The following TMCO5A variants were observed in gnomAD, a reference collection of about 807,000 sequenced individuals.
TMCO5A encodes transmembrane and coiled-coil domains 5A.
TMCO5A carries 34 observed loss-of-function variants against 42.3 expected under a neutral mutation model. The ratio of observed to expected loss-of-function variants is 0.80; its 90% CI spans 0.61 to 1.07. The LOEUF (loss-of-function observed/expected upper bound fraction) is 1.07. TMCO5A is among the 50% of genes least tolerant of loss of function. TMCO5A has a pLI of 0.00. For synonymous variants in TMCO5A, 131 were observed against 115.6 expected (o/e 1.13, Z -0.86); for missense variants, 357 against 327.9 (o/e 1.09, Z -0.69).
At chr15:37,950,854 GAGAATA>G (rs781140688) in intron 11 of TMCO5A, among the ~76,000 whole-genome samples, 176 bp from the exon 12 acceptor site, 16 of 152,096 alleles carry the variant, frequency 1.1e-4, no homozygotes, top group Non-Finnish European at 1.8e-4. Flanking sequence ...GTAATGGACA[GAGAATA>G]ACCAATAGGA....
intron 11 of TMCO5A, among the ~76,000 whole-genome samples, chr15:37,964,510 G>A (rs1049422405): frequency 1.3e-5 from 2 of 151,900 alleles, no homozygotes; most frequent in Non-Finnish European, 2.9e-5. Context: ...CACAATGCGA[G>A]CCTCTGCATG....
the TMCO5A span, among the ~76,000 whole-genome samples, chr15:38,028,644 G>GA: frequency 5.2e-4 from 79 of 150,478 alleles, no homozygotes; most frequent in African/African-American, 1.8e-3. Context: ...AGTTTTGAAA[G>GA]AAAAAAAAAT....
intron 6 of TMCO5A, among the ~76,000 whole-genome samples, chr15:37,940,020 T>C (rs905373567): frequency 6.6e-6 from 1 of 152,062 alleles, no homozygotes; most frequent in Non-Finnish European, 1.5e-5. Context: ...TCCATTCCTC[T>C]CTACCACTTC....
the TMCO5A span, among the ~76,000 whole-genome samples, chr15:38,028,015 T>C: frequency 6.6e-6 from 1 of 152,184 alleles, no homozygotes; most frequent in South Asian, 2.1e-4. Context: ...AACAGACTAA[T>C]ACCCATGGTG....
chr15:38,022,224 T>A, the TMCO5A span, among the ~76,000 whole-genome samples: 13 of 152,190 alleles, frequency 8.5e-5, no homozygotes, highest in Admixed American at 5.9e-4. Context: ...CACGAATTTA[T>A]TTTTAATTAC....
At chr15:38,033,073 G>A in the TMCO5A span, among the ~76,000 whole-genome samples, 10 of 151,840 alleles carry the variant, frequency 6.6e-5, no homozygotes, top group South Asian at 2.1e-4. Context: ...GACTACAGGC[G>A]CCAGCCACCT....
chr15:37,941,815 A>T (rs772486505), intron 8 of TMCO5A, 85 bp downstream of exon 8: 2 of 1,207,660 alleles, frequency 1.7e-6, no homozygotes, highest in Non-Finnish European at 2.4e-6. Context: ...ACTACTGTCC[A>T]GAGCAATTTC....
the TMCO5A span, among the ~76,000 whole-genome samples, chr15:38,023,508 T>C: frequency 2.6e-5 from 4 of 152,208 alleles, no homozygotes; most frequent in African/African-American, 9.6e-5. Flanking sequence ...AAGGTAAACA[T>C]TCTAAGAGGA....
chr15:37,978,842 C>T, the TMCO5A span, among the ~76,000 whole-genome samples: 1 of 152,110 alleles, frequency 6.6e-6, no homozygotes, highest in African/African-American at 2.4e-5. Context: ...AGCATGGCGG[C>T]ATCTGCTTCT....
At chr15:37,937,438 C>G (rs1307325982) in intron 5 of TMCO5A, 42 bp downstream of exon 5, 1 of 1,604,738 alleles carries the variant, frequency 6.2e-7, no homozygotes, top group Non-Finnish European at 8.5e-7. Context: ...CCCACAACAG[C>G]CCCATTCATC....
chr15:38,008,046 C>T, the TMCO5A span, among the ~76,000 whole-genome samples: 1 of 151,796 alleles, frequency 6.6e-6, no homozygotes, highest in Non-Finnish European at 1.5e-5. Flanking sequence ...CAGGCGCCTG[C>T]CACCACGCCT....
downstream of TMCO5A, among the ~76,000 whole-genome samples, chr15:37,954,524 C>T (rs751754402): frequency 1.2e-4 from 18 of 152,056 alleles, no homozygotes; most frequent in Non-Finnish European, 2.5e-4. Flanking sequence ...ACTTCATCAA[C>T]ACCACACCTA....
chr15:37,957,344 A>G (rs1890316613), intron 11 of TMCO5A, among the ~76,000 whole-genome samples: 1 of 152,218 alleles, frequency 6.6e-6, no homozygotes, highest in Admixed American at 6.5e-5. Context: ...AGAAAACCCC[A>G]TTGTCTCAGC....
the TMCO5A span, among the ~76,000 whole-genome samples, chr15:38,021,264 T>C: frequency 2.6e-5 from 4 of 152,214 alleles, no homozygotes; most frequent in African/African-American, 9.6e-5. Context: ...ATCCAAAGCA[T>C]TAATTAAGGT....
intron 11 of TMCO5A, among the ~76,000 whole-genome samples, chr15:37,963,470 T>A (rs758456675): frequency 6.6e-6 from 1 of 152,206 alleles, no homozygotes; most frequent in Non-Finnish European, 1.5e-5. Context: ...TTATGGCCTA[T>A]CATATGGTAT....
At chr15:37,992,830 G>C in the TMCO5A span, among the ~76,000 whole-genome samples, 1 of 152,166 alleles carries the variant, frequency 6.6e-6, no homozygotes, top group South Asian at 2.1e-4. Flanking sequence ...GGGAACATCA[G>C]ACACTGGGGA....
At chr15:38,029,312 A>G in the TMCO5A span, among the ~76,000 whole-genome samples, 4 of 151,882 alleles carry the variant, frequency 2.6e-5, no homozygotes, top group Admixed American at 2.6e-4. Context: ...TTTCACAAAT[A>G]CAGGCACACA....
chr15:38,018,771 A>AT, the TMCO5A span, among the ~76,000 whole-genome samples: 563 of 150,666 alleles, frequency 3.7e-3, 2 homozygotes, highest in African/African-American at 0.012. Flanking sequence ...CAGTAATGTT[A>AT]TTTTTTTTTT....
chr15:38,014,560 A>G, the TMCO5A span, among the ~76,000 whole-genome samples: 5 of 152,084 alleles, frequency 3.3e-5, no homozygotes, highest in African/African-American at 1.2e-4. Context: ...AGCTACTTCA[A>G]TTGTCTTCCA....
Sources: gnomAD v4.1 joint callset for allele counts (sites outside exome capture counted in the v4.1 genomes callset) on GRCh38, gnomAD v4.1.1 for gene constraint, MANE v1.5 for transcripts, NCBI Gene and HGNC (gene_info 2026-07-23, HGNC 2026-07-21) for gene names.